The following ATXN2 variants were observed in gnomAD, a reference collection of about 807,000 sequenced individuals.
ATXN2 encodes ataxin 2, also known as ataxin-2.
ATXN2 carries 37 observed loss-of-function variants against 138.6 expected under a neutral mutation model. The ratio of observed to expected loss-of-function variants is 0.27; its 90% CI spans 0.21 to 0.35. ATXN2 has a LOEUF of 0.35. ATXN2 is among the 10% of genes least tolerant of loss of function. The pLI is 1.00. For missense variants in ATXN2, 1,216 were observed against 1,480.3 expected (o/e 0.82, Z 2.93); for synonymous variants, 549 against 543.7 (o/e 1.01, Z -0.13).
intron 23 of ATXN2, chr12:111,455,237 G>A (rs1405452310): frequency 6.0e-6 from 4 of 666,952 alleles, no homozygotes; most frequent in Admixed American, 2.1e-5. Context: ...AACAGCCCCA[G>A]GGAGGGCCTC....
chr12:111,542,733 A>G (rs1025120288), intron 5 of ATXN2, among the ~76,000 whole-genome samples: 3 of 152,186 alleles, frequency 2.0e-5, no homozygotes, highest in African/African-American at 7.2e-5. Flanking sequence ...AAGTGTTGAA[A>G]TTACAGGCAT....
chr12:111,538,149 A>G (rs1032963501), intron 5 of ATXN2, among the ~76,000 whole-genome samples: 1 of 152,150 alleles, frequency 6.6e-6, no homozygotes, highest in Non-Finnish European at 1.5e-5. Context: ...ATGAATGATT[A>G]AATTTTCTAG....
chr12:111,525,071 C>G (rs1880404437), intron 6 of ATXN2, 121 bp downstream of exon 6: 1 of 1,282,530 alleles, frequency 7.8e-7, no homozygotes, highest in Non-Finnish European at 1.0e-6. Context: ...TACAACAAAC[C>G]TGCTGCTCTA....
intron 18 of ATXN2, among the ~76,000 whole-genome samples, chr12:111,481,066 T>C (rs1877193084): frequency 6.6e-6 from 1 of 152,110 alleles, no homozygotes; most frequent in Non-Finnish European, 1.5e-5. Context: ...TCTCAGCACT[T>C]TGGGAAGGTG....
chr12:111,510,878 C>T (rs1879465595), intron 11 of ATXN2: 1 of 192,376 alleles, frequency 5.2e-6, no homozygotes, highest in African/African-American at 2.3e-5. Flanking sequence ...AGGCACTCGC[C>T]ACCACAACCA....
At chr12:111,456,956 G>T (rs912678278) in intron 22 of ATXN2, among the ~76,000 whole-genome samples, 2 of 151,928 alleles carry the variant, frequency 1.3e-5, no homozygotes, top group Non-Finnish European at 2.9e-5. Context: ...CACAGTGTTC[G>T]CCAGGATGGT....
intron 6 of ATXN2, among the ~76,000 whole-genome samples, chr12:111,523,063 G>A (rs969061154): frequency 3.3e-5 from 5 of 151,350 alleles, no homozygotes; most frequent in South Asian, 4.2e-4. Flanking sequence ...GGTGGATCAC[G>A]AGTTCAGGAG....
At chr12:111,475,344 C>CA (rs772048264) in intron 18 of ATXN2, among the ~76,000 whole-genome samples, 1,200 of 45,456 alleles carry the variant, frequency 0.026, 41 homozygotes, top group African/African-American at 0.051. Context: ...GATTCCATCT[C>CA]AAAAAAAAAA....
Position 111,598,892 on chromosome 12 carries a change from G to A in ATXN2, c.143C>T (p.Pro48Leu). The change falls in exon 1 of 25, where the codon CCC becomes CTC. Residue 48 changes from proline to leucine, a missense_variant. Physicochemically the swap from Pro to Leu is moderately conservative, Grantham distance 98 (BLOSUM62 -3). Around this residue, in one of 4 missense-constraint regions of ATXN2, gnomAD observed 110 missense variants for 88.7 expected, o/e 1.24. Coordinates refer to ENST00000673436, the MANE Select transcript of ATXN2 (RefSeq NM_001372574.1). The surrounding 1 kb of genome is among the most constrained non-coding windows in gnomAD (Gnocchi z 4.5). ...KPGGSGLLAS[P>L]AAAPSPSSSS... is the part of the protein sequence containing the mutation. ...CGAGGACGGCGAAGGCGCGGCGGCG[G>A]GCGACGCTAGAAGGCCGCTGCCGCC... 6.7e-7 allele frequency: 1 copy of A among 1,502,006 alleles called. No homozygotes were observed. The allele number at this position is 1,502,006 out of a possible 1,614,324, so 93.0% of individuals were successfully genotyped here. A position where few individuals can be genotyped will look rare whatever the true frequency, so the allele number is the denominator to read the frequency against.
intron 3 of ATXN2, 88 bp downstream of exon 3, chr12:111,554,070 T>C: frequency 1.1e-6 from 1 of 896,876 alleles, no homozygotes; most frequent in Admixed American, 3.1e-5. Flanking sequence ...CAATGTTACT[T>C]TGACAATCAT....
chr12:111,464,084 G>A lies in ATXN2; in HGVS notation c.2896+578C>T, dbSNP rs143066671. 6.3e-3 allele frequency among the ~76,000 whole-genome samples: 952 copies of A among 152,172 alleles called. 10 individuals are homozygous for A. The highest frequency in any genetic ancestry group is 0.021 in the African/African-American group (883 of 41,516). ...ATTACAGGTGTGAGCCACCGTGCCTGGCCCTTCCTGAGTATTTTAAACCTT... is the reference window on the plus strand; with the variant it reads ...ATTACAGGTGTGAGCCACCGTGCCTAGCCCTTCCTGAGTATTTTAAACCTT... On this transcript the variant is annotated intron_variant, in intron 21 of 24. Coordinates refer to ENST00000673436, the MANE Select transcript of ATXN2 (RefSeq NM_001372574.1).
At chr12:111,498,569 G>A (rs1217476865) in intron 14 of ATXN2, among the ~76,000 whole-genome samples, 1 of 151,996 alleles carries the variant, frequency 6.6e-6, no homozygotes, top group Non-Finnish European at 1.5e-5. Flanking sequence ...TGATGACACA[G>A]AAAAAACATG....
At chr12:111,550,055 C>T (rs1157327387) in intron 5 of ATXN2, among the ~76,000 whole-genome samples, 1 of 140,164 alleles carries the variant, frequency 7.1e-6, no homozygotes, top group East Asian at 2.3e-4. Context: ...GAGCGAAACT[C>T]CGTCTCCAAA....
intron 1 of ATXN2, among the ~76,000 whole-genome samples, chr12:111,585,592 G>A (rs1884279007): frequency 6.6e-6 from 1 of 151,758 alleles, no homozygotes; most frequent in Non-Finnish European, 1.5e-5. Flanking sequence ...ATCACCTGAG[G>A]TCAGGAGTTC....
chr12:111,467,348 G>A (rs1876102563), intron 20 of ATXN2, among the ~76,000 whole-genome samples: 1 of 133,756 alleles, frequency 7.5e-6, no homozygotes, highest in Admixed American at 8.0e-5. Flanking sequence ...GTAGAGATGG[G>A]ATCTCGCCAT....
chr12:111,541,193 GTAGGTATCTAATTTGT>G (rs1566052950), intron 5 of ATXN2, among the ~76,000 whole-genome samples: 1 of 149,698 alleles, frequency 6.7e-6, no homozygotes, highest in Non-Finnish European at 1.5e-5. Context: ...TCAGTGTGAA[GTAGGTATCTAATTTGT>G]CCCCAATGTC....
At chr12:111,571,574 G>A (rs1883314730) in intron 1 of ATXN2, among the ~76,000 whole-genome samples, 1 of 152,098 alleles carries the variant, frequency 6.6e-6, no homozygotes, top group Non-Finnish European at 1.5e-5. Flanking sequence ...CAGTGAGGAA[G>A]GAGACCATCT....
chr12:111,491,290 C>T (rs1156891527), intron 14 of ATXN2, among the ~76,000 whole-genome samples: 6 of 152,104 alleles, frequency 3.9e-5, no homozygotes, highest in Non-Finnish European at 8.8e-5. Context: ...GTAAGCCCCA[C>T]CACCGTGGGT....
chr12:111,506,652 C>CCTT (rs1285535608), intron 14 of ATXN2, among the ~76,000 whole-genome samples: 1 of 147,888 alleles, frequency 6.8e-6, no homozygotes, highest in Non-Finnish European at 1.5e-5. Flanking sequence ...CCCTCCCCCT[C>CCTT]CTTCTCCTTC....
Sources: gnomAD v4.1 joint callset for allele counts (sites outside exome capture counted in the v4.1 genomes callset) on GRCh38, gnomAD v4.1.1 for gene constraint, gnomAD v4.1.1 regional missense constraint, Gnocchi (gnomAD v3.1) non-coding constraint, MANE v1.5 for transcripts, NCBI Gene and HGNC (gene_info 2026-07-23, HGNC 2026-07-21) for gene names.